The following AGBL4 variants were observed in gnomAD, a reference collection of about 807,000 sequenced individuals.
AGBL4 encodes AGBL carboxypeptidase 4, also known as cytosolic carboxypeptidase 6.
A neutral mutation model predicts 66.4 loss-of-function variants in AGBL4; 58 were observed. The observed-to-expected ratio is 0.87, with a 90% CI of 0.71 to 1.09. The LOEUF is 1.09. Among genes scored for constraint, AGBL4 ranks in the 50% least tolerant of loss-of-function variants. The pLI is 0.00. For synonymous variants in AGBL4, 234 were observed against 222.9 expected (o/e 1.05, Z -0.44); for missense variants, 579 against 631.0 (o/e 0.92, Z 0.88).
At chr1:49,034,642 C>A (rs1664493377) in intron 5 of AGBL4, among the ~76,000 whole-genome samples, 1 of 151,974 alleles carries the variant, frequency 6.6e-6, no homozygotes, top group Non-Finnish European at 1.5e-5. Flanking sequence ...GGGTGGCTAC[C>A]CTTATGCTGT....
intron 3 of AGBL4, among the ~76,000 whole-genome samples, chr1:49,618,091 G>A (rs1312511846): frequency 6.6e-6 from 1 of 152,138 alleles, no homozygotes; most frequent in Non-Finnish European, 1.5e-5. Context: ...ACTTATGAGT[G>A]AGAACATGTG....
chr1:48,673,981 C>T (rs1426903136), intron 6 of AGBL4, among the ~76,000 whole-genome samples: 2 of 152,180 alleles, frequency 1.3e-5, no homozygotes, highest in East Asian at 1.9e-4. Context: ...GATCTCACTC[C>T]CGTACTCCCA....
intron 6 of AGBL4, among the ~76,000 whole-genome samples, chr1:48,752,413 T>C (rs1290592879): frequency 3.3e-5 from 5 of 152,138 alleles, no homozygotes. Flanking sequence ...CAGGAAAAGT[T>C]GGGCGTGGTA....
In AGBL4 at chr1:48,780,138, A is replaced by G. The variant is rs1012419029; in HGVS notation, c.634+87053T>C. ...GGTTTGCTGCACTCATCAACTCATC[A>G]ACTACATTAGGTATTTCTCCTAATG... On this transcript the variant is annotated intron_variant, in intron 6 of 13. Transcript: ENST00000371839. Among the ~76,000 whole-genome samples the G allele has an allele frequency of 2.0e-4, 30 of 152,010 alleles. 1 individual carries two copies. The East Asian group carries it at 5.0e-3, about 26-fold the overall frequency.
intron 3 of AGBL4, among the ~76,000 whole-genome samples, chr1:49,254,450 C>A (rs1652314668): frequency 6.6e-6 from 1 of 152,052 alleles, no homozygotes; most frequent in Non-Finnish European, 1.5e-5. Context: ...AGGAATACAG[C>A]TAACAAGGGA....
chr1:50,001,091 T>C (rs1194128941), intron 1 of AGBL4, among the ~76,000 whole-genome samples: 2 of 151,704 alleles, frequency 1.3e-5, no homozygotes, highest in Non-Finnish European at 2.9e-5. Context: ...GGAATTATTA[T>C]TGGTTATGAT....
chr1:49,602,534 C>T (rs1484314154), intron 3 of AGBL4, among the ~76,000 whole-genome samples: 2 of 152,042 alleles, frequency 1.3e-5, no homozygotes, highest in Admixed American at 6.6e-5. Context: ...GAGTTCATGT[C>T]CTTTGCAGGG....
intron 3 of AGBL4, among the ~76,000 whole-genome samples, chr1:49,283,893 T>C (rs566958234): frequency 6.7e-5 from 10 of 149,170 alleles, no homozygotes; most frequent in Non-Finnish European, 7.4e-5. Context: ...CTACGTCTGA[T>C]TGGTGTACCT....
intron 4 of AGBL4, among the ~76,000 whole-genome samples, chr1:49,229,741 C>T (rs1650165718): frequency 6.6e-6 from 1 of 152,164 alleles, no homozygotes; most frequent in South Asian, 2.1e-4. Context: ...GTAACCAGAT[C>T]TGCTTTGGGA....
At chr1:49,682,031 A>G (rs1646704631) in intron 3 of AGBL4, among the ~76,000 whole-genome samples, 1 of 152,152 alleles carries the variant, frequency 6.6e-6, no homozygotes, top group Non-Finnish European at 1.5e-5. Context: ...ACAGCAAACT[A>G]TTTCTTTAAA....
At chr1:48,926,023 A>C (rs546746777) in intron 5 of AGBL4, among the ~76,000 whole-genome samples, 132 of 152,320 alleles carry the variant, frequency 8.7e-4, no homozygotes, top group African/African-American at 3.1e-3. Context: ...CTGTGGTTAG[A>C]TGAATGAGGA....
intron 5 of AGBL4, among the ~76,000 whole-genome samples, chr1:48,967,358 T>C (rs1175960501): frequency 6.6e-6 from 1 of 152,174 alleles, no homozygotes; most frequent in African/African-American, 2.4e-5. Context: ...ATTCATTCAT[T>C]CTACACTTAA....
At chr1:49,686,925 AT>A (rs528050159) in intron 3 of AGBL4, among the ~76,000 whole-genome samples, 147 of 152,320 alleles carry the variant, frequency 9.7e-4, no homozygotes, top group African/African-American at 3.4e-3. Context: ...ATCCAAATGA[AT>A]AAATGTTAGA....
At chr1:48,804,963 G>A (rs1473527358) in intron 6 of AGBL4, among the ~76,000 whole-genome samples, 1 of 152,144 alleles carries the variant, frequency 6.6e-6, no homozygotes, top group Non-Finnish European at 1.5e-5. Context: ...ACTCTGGTTG[G>A]TTGGGAGCGG....
At chr1:48,636,742 C>T (rs1645674072) in intron 8 of AGBL4, among the ~76,000 whole-genome samples, 1 of 152,236 alleles carries the variant, frequency 6.6e-6, no homozygotes, top group Admixed American at 6.5e-5. Flanking sequence ...CCACACTCAT[C>T]TGAAACCTGC....
At chr1:49,775,866 T>C (rs1644182842) in intron 2 of AGBL4, among the ~76,000 whole-genome samples, 2 of 152,116 alleles carry the variant, frequency 1.3e-5, no homozygotes, top group Non-Finnish European at 1.5e-5. Context: ...TTTATTATTA[T>C]AGTGGTAAAA....
chr1:49,453,581 T>C (rs971110791), intron 3 of AGBL4, among the ~76,000 whole-genome samples: 1 of 151,862 alleles, frequency 6.6e-6, no homozygotes, highest in Non-Finnish European at 1.5e-5. Context: ...GTTAATGATA[T>C]GTTGCTACTA....
At chr1:49,740,456 C>G (rs1391509317) in intron 2 of AGBL4, among the ~76,000 whole-genome samples, 1 of 152,236 alleles carries the variant, frequency 6.6e-6, no homozygotes, top group African/African-American at 2.4e-5. Flanking sequence ...TAATGGGAGA[C>G]TTTAACACCC....
chr1:49,972,343 C>T lies in AGBL4; in HGVS notation c.34+51420G>A, dbSNP rs183090704. On this transcript the variant is annotated intron_variant, in intron 1 of 13. Coordinates refer to ENST00000371839, the MANE Select transcript of AGBL4 (RefSeq NM_032785.4). ...TCCCACCCTTTCCACTTTTCATAGT[C>T]TCCAATGCCTATTATTCCACTCTGT... 1.1e-4 allele frequency among the ~76,000 whole-genome samples: 16 copies of T among 152,190 alleles called. No individual in the cohort carries two copies. In the East Asian group the frequency reaches 2.7e-3, roughly 26 times the overall value.
Sources: gnomAD v4.1 joint callset for allele counts (sites outside exome capture counted in the v4.1 genomes callset) on GRCh38, gnomAD v4.1.1 for gene constraint, MANE v1.5 for transcripts, NCBI Gene and HGNC (gene_info 2026-07-23, HGNC 2026-07-21) for gene names.